The following SLC25A24 variants were observed in gnomAD, a reference collection of about 807,000 sequenced individuals.
The protein encoded by SLC25A24 is solute carrier family 25 member 24.
Under a neutral mutation model 60.7 loss-of-function variants are expected in SLC25A24, and 49 were observed. The observed-to-expected ratio is 0.81, with a 90% CI of 0.64 to 1.02. The LOEUF (loss-of-function observed/expected upper bound fraction) is 1.02. Ranked by LOEUF, SLC25A24 falls within the 50% of genes least tolerant of loss-of-function variation. SLC25A24 has a pLI of 0.00. For synonymous variants in SLC25A24, 202 were observed against 200.6 expected (o/e 1.01, Z -0.06); for missense variants, 564 against 586.3 (o/e 0.96, Z 0.39).
intron 6 of SLC25A24, among the ~76,000 whole-genome samples, chr1:108,152,220 T>G (rs577166594): frequency 2.0e-5 from 3 of 152,126 alleles, no homozygotes; most frequent in Non-Finnish European, 4.4e-5. Flanking sequence ...AGCTCTTTCA[T>G]CATTATCTTT....
At chr1:108,174,223 G>T (rs942944713) in intron 3 of SLC25A24, among the ~76,000 whole-genome samples, 3 of 152,144 alleles carry the variant, frequency 2.0e-5, no homozygotes, top group African/African-American at 4.8e-5. Context: ...ATGGTTTCCT[G>T]GGCCAGGCCC....
rs1679228242 is a variant in SLC25A24 at position 108,134,547 on chromosome 1, G to T, written c.*2106C>A. 6.6e-6 allele frequency: 1 copy of T among 152,032 alleles called. No homozygotes were observed. Among genetic ancestry groups the T allele is most frequent in the South Asian group, 2.1e-4 (1 of 4,818 alleles). The allele number at this position is 152,032 out of a possible 1,614,324, so 9.4% of individuals were successfully genotyped here. ...GAACCCCAGGGCTGTAACTCTAATGGGTAAATGTGGAATTTTGATATCACA... is the reference window on the plus strand; with the variant it reads ...GAACCCCAGGGCTGTAACTCTAATGTGTAAATGTGGAATTTTGATATCACA... On this transcript the variant is annotated 3_prime_UTR_variant, in exon 10 of 10. Transcript: ENST00000565488.
intron 6 of SLC25A24, among the ~76,000 whole-genome samples, chr1:108,152,518 A>G (rs933211692): frequency 6.6e-6 from 1 of 152,026 alleles, no homozygotes; most frequent in Non-Finnish European, 1.5e-5. Flanking sequence ...CCCCACGCCC[A>G]ACTAATTTTT....
chr1:108,184,251 A>G (rs1222817575), intron 2 of SLC25A24, among the ~76,000 whole-genome samples: 2 of 152,204 alleles, frequency 1.3e-5, no homozygotes, highest in Admixed American at 1.3e-4. Context: ...CTGGCAATTG[A>G]TCTTAAGGTA....
intron 4 of SLC25A24, 119 bp downstream of exon 4, chr1:108,161,062 GT>G (rs1335853917): frequency 1.7e-6 from 1 of 597,576 alleles, no homozygotes; most frequent in Non-Finnish European, 3.0e-6. Flanking sequence ...AACTCTACAG[GT>G]TAAGGAGCTA....
At chr1:108,181,347 T>C (rs1430501054) in intron 3 of SLC25A24, among the ~76,000 whole-genome samples, 7 of 152,226 alleles carry the variant, frequency 4.6e-5, no homozygotes, top group African/African-American at 7.2e-5. Context: ...CCTGTGTTTA[T>C]AGCAACAGAG....
chr1:108,161,590 T>C (rs1362222137), intron 3 of SLC25A24, among the ~76,000 whole-genome samples: 1 of 152,180 alleles, frequency 6.6e-6, no homozygotes, highest in African/African-American at 2.4e-5. Flanking sequence ...AACTTGAAGA[T>C]AAAATATTAA....
rs750578672 is a variant in SLC25A24, at chr1:108,155,058, C to T, written c.747G>A (p.Ser249=). Residue 249 remains serine, a synonymous_variant, in exon 6 of 10, where the codon TCG becomes TCA. Transcript: ENST00000565488. ...CGTTTGTACCATTTCCCCTCCAAAG[C>T]GAGCGGATACCTCCTTCTTTTACCA... ...RQMVKEGGIR[S]LWRGNGTNVI... The T allele has an allele frequency of 2.5e-6, 4 of 1,612,488 alleles. No individual in the cohort carries two copies. The highest frequency in any genetic ancestry group is 2.2e-5 in the East Asian group (1 of 44,744).
At chr1:108,178,442 T>C (rs1375684198) in intron 3 of SLC25A24, among the ~76,000 whole-genome samples, 1 of 152,214 alleles carries the variant, frequency 6.6e-6, no homozygotes, top group Non-Finnish European at 1.5e-5. Flanking sequence ...ATATCATATG[T>C]TAGGCCACAA....
intron 3 of SLC25A24, among the ~76,000 whole-genome samples, chr1:108,171,524 C>T (rs2101628867): frequency 6.6e-6 from 1 of 152,310 alleles, no homozygotes; most frequent in South Asian, 2.1e-4. Context: ...TATATGCTGC[C>T]TCCAGGGCTG....
intron 1 of SLC25A24, among the ~76,000 whole-genome samples, chr1:108,198,289 G>C (rs1648558941): frequency 6.6e-6 from 1 of 152,184 alleles, no homozygotes. Context: ...ACTTTACAAA[G>C]ACTGATACCC....
intron 2 of SLC25A24, among the ~76,000 whole-genome samples, chr1:108,182,310 C>T (rs1303766576): frequency 1.3e-5 from 2 of 152,096 alleles, no homozygotes; most frequent in Non-Finnish European, 2.9e-5. Flanking sequence ...CACAAGTGGC[C>T]TTACCAAGTA....
intron 4 of SLC25A24, among the ~76,000 whole-genome samples, chr1:108,159,521 T>TTGG (rs1679997329): frequency 6.6e-6 from 1 of 150,516 alleles, no homozygotes; most frequent in Non-Finnish European, 1.5e-5. Context: ...AGAGGGGGAT[T>TTGG]TGGCAGGGTC....
At chr1:108,178,536 C>G (rs1647784883) in intron 3 of SLC25A24, among the ~76,000 whole-genome samples, 1 of 152,050 alleles carries the variant, frequency 6.6e-6, no homozygotes, top group African/African-American at 2.4e-5. Context: ...GAAATCAGGC[C>G]AGGCGCGGTG....
chr1:108,162,599 G>A lies in SLC25A24; in HGVS notation c.399-1306C>T, dbSNP rs923996990. Among the ~76,000 whole-genome samples the A allele has an allele frequency of 8.5e-5, 13 of 152,144 alleles. 1 individual carries two copies. Among genetic ancestry groups the A allele is most frequent in the African/African-American group, 3.1e-4 (13 of 41,396 alleles). ...TGGCTGCATAAATGTCTTCTTTCGA[G>A]AAGTGTCTGTTCATGTCCTTCACCC... is the stretch of plus-strand genomic sequence containing the variant. On this transcript the variant is annotated intron_variant, in intron 3 of 9. Coordinates refer to ENST00000565488, the MANE Select transcript of SLC25A24 (RefSeq NM_013386.5).
chr1:108,164,433 T>C (rs1284022253), intron 3 of SLC25A24, among the ~76,000 whole-genome samples: 1 of 151,296 alleles, frequency 6.6e-6, no homozygotes, highest in Non-Finnish European at 1.5e-5. Context: ...GGACTCTTTT[T>C]GGTTGGTAAG....
At position 108,136,720 on chromosome 1, in the gene SLC25A24, G is replaced by C. The variant is rs1679297501; in HGVS notation, c.1367C>G (p.Pro456Arg). Reference sequence around the variant, plus strand: ...AACCACATAACTGATGCCTACAGCAGGGAGCACCTTCATGAAGTTTGGGGT... The same window carrying C: ...AACCACATAACTGATGCCTACAGCACGGAGCACCTTCATGAAGTTTGGGGT... ...GITPNFMKVL[P>R]AVGISYVVYE... The change falls in exon 10 of 10, where the codon CCT becomes CGT. Residue 456 changes from proline to arginine, a missense_variant. Transcript: ENST00000565488. 6 of 1,613,966 alleles carry C rather than the reference G, an allele frequency of 3.7e-6. No homozygotes were observed. The East Asian group carries it at 1.3e-4, about 36-fold the overall frequency.
At chr1:108,184,259 G>A (rs938132433) in intron 2 of SLC25A24, among the ~76,000 whole-genome samples, 1 of 152,146 alleles carries the variant, frequency 6.6e-6, no homozygotes, top group Non-Finnish European at 1.5e-5. Flanking sequence ...TGATCTTAAG[G>A]TAGCTCCATC....
chr1:108,198,005 G>A (rs1465223906), intron 1 of SLC25A24, among the ~76,000 whole-genome samples: 1 of 152,092 alleles, frequency 6.6e-6, no homozygotes, highest in African/African-American at 2.4e-5. Flanking sequence ...TCGAGGCTGG[G>A]TTGCTATAAA....
Sources: gnomAD v4.1 joint callset for allele counts (sites outside exome capture counted in the v4.1 genomes callset) on GRCh38, gnomAD v4.1.1 for gene constraint, MANE v1.5 for transcripts, NCBI Gene and HGNC (gene_info 2026-07-23, HGNC 2026-07-21) for gene names.